The following NRXN1 variants were observed in gnomAD, a reference collection of about 807,000 sequenced individuals.
NRXN1 encodes neurexin-1.
A neutral mutation model predicts 150.9 loss-of-function variants in NRXN1; 39 were observed. That is an observed-to-expected ratio of 0.26 (90% confidence interval 0.20 to 0.34). The LOEUF is 0.34. NRXN1 is among the 10% of genes least tolerant of loss of function. NRXN1 has a pLI of 1.00. For synonymous variants in NRXN1, 924 were observed against 757.0 expected, an observed-to-expected ratio of 1.22 and a Z score of -3.62; for missense variants, 1,815 against 1,949.9, an observed-to-expected ratio of 0.93 and a Z score of 1.30.
chr2:50,664,883 T>A (rs942653822), intron 5 of NRXN1, among the ~76,000 whole-genome samples: 2 of 151,870 alleles, frequency 1.3e-5, no homozygotes, highest in Non-Finnish European at 2.9e-5. Flanking sequence ...GAACAATACT[T>A]CTTAATAAAA....
At chr2:50,683,646 A>AAAAAAAAAAAAAAAAAATAT in intron 5 of NRXN1, among the ~76,000 whole-genome samples, 14 of 14,904 alleles carry the variant, frequency 9.4e-4, no homozygotes, top group African/African-American at 3.2e-3. Context: ...AAAAAAAAAA[A>AAAAAAAAAAAAAAAAAATAT]ATATATATAT....
At chr2:50,206,244 C>A (rs201085767) in intron 18 of NRXN1, among the ~76,000 whole-genome samples, 1 of 57,810 alleles carries the variant, frequency 1.7e-5, no homozygotes, top group African/African-American at 5.6e-5. Flanking sequence ...CACACACACA[C>A]ACACACACAC....
intron 5 of NRXN1, among the ~76,000 whole-genome samples, chr2:50,712,729 C>T (rs1194748687): frequency 6.6e-6 from 1 of 152,136 alleles, no homozygotes; most frequent in South Asian, 2.1e-4. Context: ...TTGAGCTGCT[C>T]CCCTGCCCTG....
chr2:50,790,461 CA>C (rs1705781898), intron 5 of NRXN1, among the ~76,000 whole-genome samples: 1 of 151,930 alleles, frequency 6.6e-6, no homozygotes, highest in Non-Finnish European at 1.5e-5. Flanking sequence ...AAATCAAAAC[CA>C]AAAATAAAAG....
At chr2:50,130,596 T>C (rs7606758) in intron 18 of NRXN1, among the ~76,000 whole-genome samples, 54,366 of 151,976 alleles carry the variant, frequency 0.36, 9,988 homozygotes, top group African/African-American at 0.38. Context: ...TCTGCCTCTA[T>C]TGGAAAGAAA....
rs2058466726 is a variant in NRXN1 at position 50,148,128 on chromosome 2, C to T, written c.3547-56634G>A. On this transcript the variant is annotated intron_variant, in intron 18 of 22. Transcript: ENST00000401669. ...GCATATGCTGTTAAATAAACAAAAGCAGTACTGATGATGATCTGGTATCTG... is the reference window on the plus strand; with the variant it reads ...GCATATGCTGTTAAATAAACAAAAGTAGTACTGATGATGATCTGGTATCTG... Among the ~76,000 whole-genome samples the T allele has an allele frequency of 2.0e-5, 3 of 151,546 alleles. No homozygotes were observed. The South Asian group carries it at 6.2e-4, about 31-fold the overall frequency.
chr2:50,315,628 T>C (rs954722083), intron 17 of NRXN1, among the ~76,000 whole-genome samples: 1 of 152,118 alleles, frequency 6.6e-6, no homozygotes, highest in Admixed American at 6.6e-5. Flanking sequence ...GCTCCAAGCA[T>C]CTACTTGTAA....
intron 5 of NRXN1, among the ~76,000 whole-genome samples, chr2:50,869,850 A>C (rs1468160010): frequency 6.6e-6 from 1 of 151,896 alleles, no homozygotes; most frequent in Non-Finnish European, 1.5e-5. Context: ...TTGACAATTT[A>C]AGGCATTAAA....
At chr2:50,136,197 A>G (rs1366390863) in intron 18 of NRXN1, among the ~76,000 whole-genome samples, 4 of 152,198 alleles carry the variant, frequency 2.6e-5, no homozygotes, top group Admixed American at 1.3e-4. Flanking sequence ...CTGTAGAGGG[A>G]GAGCATATTC....
intron 5 of NRXN1, among the ~76,000 whole-genome samples, chr2:50,860,416 A>C (rs1459433531): frequency 6.6e-6 from 1 of 152,078 alleles, no homozygotes; most frequent in Admixed American, 6.6e-5. Context: ...AATTAGAAAA[A>C]ACTCTGTGGT....
At chr2:50,971,246 T>C (rs7567632) in intron 2 of NRXN1, among the ~76,000 whole-genome samples, 34,454 of 152,082 alleles carry the variant, frequency 0.23, 4,275 homozygotes, top group Non-Finnish European at 0.29. Context: ...ATAATGCTTG[T>C]TAGTGTCAAG....
intron 19 of NRXN1, among the ~76,000 whole-genome samples, chr2:50,078,823 A>T (rs756933584): frequency 6.6e-6 from 1 of 152,122 alleles, no homozygotes; most frequent in Non-Finnish European, 1.5e-5. Flanking sequence ...ATTTAACTTG[A>T]TCACTTAAGG....
At chr2:50,119,670 G>A (rs1047765151) in intron 18 of NRXN1, among the ~76,000 whole-genome samples, 1 of 151,980 alleles carries the variant, frequency 6.6e-6, no homozygotes, top group African/African-American at 2.4e-5. Flanking sequence ...AAGAGATTTT[G>A]TTTTAAAATC....
intron 18 of NRXN1, among the ~76,000 whole-genome samples, chr2:50,156,132 A>G (rs1465465718): frequency 6.6e-6 from 1 of 151,804 alleles, no homozygotes; most frequent in East Asian, 1.9e-4. Context: ...CAATAAATAC[A>G]TATTACTTTT....
In NRXN1 at chr2:50,514,033, G is replaced by A. The variant is rs182110027; in HGVS notation, c.2375-7416C>T. 7.1e-3 allele frequency among the ~76,000 whole-genome samples: 1,086 copies of A among 152,062 alleles called. 6 individuals carry two copies. The highest frequency in any genetic ancestry group is 0.011 in the Non-Finnish European group (745 of 67,954). ...TACTCTGGTACAGTGCAAACCAATTGGTTCTAAAGTTCACTTTATTTGTCT... is the reference window on the plus strand; with the variant it reads ...TACTCTGGTACAGTGCAAACCAATTAGTTCTAAAGTTCACTTTATTTGTCT... On this transcript the variant is annotated intron_variant, in intron 12 of 22. Coordinates refer to ENST00000401669, the MANE Select transcript of NRXN1 (RefSeq NM_001330078.2).
At chr2:50,657,041 T>C (rs944980549) in intron 5 of NRXN1, among the ~76,000 whole-genome samples, 1 of 151,940 alleles carries the variant, frequency 6.6e-6, no homozygotes, top group Non-Finnish European at 1.5e-5. Context: ...TAAAGAAACA[T>C]AGAAAACAAT....
intron 5 of NRXN1, among the ~76,000 whole-genome samples, chr2:50,886,882 C>T (rs1363629924): frequency 6.6e-6 from 1 of 151,374 alleles, no homozygotes; most frequent in East Asian, 1.9e-4. Flanking sequence ...GTTATTATCT[C>T]AATCATTAAT....
chr2:50,556,756 ATAACT>A (rs1202487202), intron 8 of NRXN1, among the ~76,000 whole-genome samples: 3 of 152,188 alleles, frequency 2.0e-5, no homozygotes, highest in Non-Finnish European at 2.9e-5. Context: ...GAGAAAATAA[ATAACT>A]TAAAGAATAG....
intron 21 of NRXN1, among the ~76,000 whole-genome samples, chr2:50,018,691 C>T (rs7568888): frequency 0.18 from 26,863 of 152,132 alleles, 3,029 homozygotes; most frequent in African/African-American, 0.31. Flanking sequence ...TAGATCAAGG[C>T]TGCCAGTTAT....
Sources: gnomAD v4.1 joint callset for allele counts (sites outside exome capture counted in the v4.1 genomes callset) on GRCh38, gnomAD v4.1.1 for gene constraint, MANE v1.5 for transcripts, NCBI Gene and HGNC (gene_info 2026-07-23, HGNC 2026-07-21) for gene names.